The following CTNNA1 variants were observed in gnomAD, a reference collection of about 807,000 sequenced individuals.
The protein encoded by CTNNA1 is catenin alpha-1.
CTNNA1 carries 37 observed loss-of-function variants against 98.4 expected under a neutral mutation model. The observed-to-expected ratio is 0.38, with a 90% CI of 0.29 to 0.49. The LOEUF (loss-of-function observed/expected upper bound fraction) is 0.49, where lower values mean the gene tolerates loss of function less well. Ranked by LOEUF, CTNNA1 falls within the 20% of genes least tolerant of loss-of-function variation. CTNNA1 has a pLI of 0.95. For missense variants in CTNNA1, 761 were observed against 1,147.2 expected, an observed-to-expected ratio of 0.66 and a Z score of 4.86; for synonymous variants, 404 against 413.2, an observed-to-expected ratio of 0.98 and a Z score of 0.27.
At chr5:138,933,340 T>C (rs1765818354) in intron 17 of CTNNA1, among the ~76,000 whole-genome samples, 1 of 151,996 alleles carries the variant, frequency 6.6e-6, no homozygotes, top group African/African-American at 2.4e-5. Context: ...TGGATTGGGG[T>C]CCACCGAGCC....
chr5:138,920,564 T>C (rs572684306), intron 11 of CTNNA1, among the ~76,000 whole-genome samples: 7 of 152,246 alleles, frequency 4.6e-5, no homozygotes, highest in Non-Finnish European at 8.8e-5. Context: ...TCATAGCTTT[T>C]ACTAAATGAA....
chr5:138,887,683 G>A (rs1473100890), intron 9 of CTNNA1, 41 bp downstream of exon 9: 1 of 1,550,936 alleles, frequency 6.4e-7, no homozygotes, highest in African/African-American at 1.4e-5. Context: ...AGGCAACTTG[G>A]TGAAGTGTGG....
At chr5:138,829,090 C>T (rs1761009499) in intron 7 of CTNNA1, among the ~76,000 whole-genome samples, 1 of 152,090 alleles carries the variant, frequency 6.6e-6, no homozygotes, top group Admixed American at 6.6e-5. Context: ...CCACTGTGCT[C>T]CAGCCTGGGC....
chr5:138,887,553 G>A lies in CTNNA1; in HGVS notation c.1207G>A (p.Val403Ile), dbSNP rs760179421. 2.3e-5 allele frequency: 37 copies of A among 1,611,804 alleles called. No homozygotes were observed. Among genetic ancestry groups the A allele is most frequent in the Non-Finnish European group, 3.0e-5 (35 of 1,178,760 alleles). ...CCTGGAAACCAATGTTCCACTTTTG[G>A]TATTGATTGAAGCTGCAAAGAATGG... ...SFLETNVPLL[V>I]LIEAAKNGNE... The change falls in exon 9 of 18, where the codon GTA (valine) becomes ATA (isoleucine). Residue 403 changes from valine (V) to isoleucine (I), a missense_variant. Physicochemically the swap from Val to Ile is conservative, Grantham distance 29 (BLOSUM62 3). Transcript: ENST00000302763.
At chr5:138,781,022 A>G (rs1166481253) in intron 1 of CTNNA1, among the ~76,000 whole-genome samples, 2 of 152,298 alleles carry the variant, frequency 1.3e-5, no homozygotes, top group East Asian at 1.9e-4. Context: ...ACACTGATAC[A>G]GTGATATTTG....
At chr5:138,855,849 C>T (rs1455636568) in intron 7 of CTNNA1, among the ~76,000 whole-genome samples, 1 of 152,082 alleles carries the variant, frequency 6.6e-6, no homozygotes, top group East Asian at 1.9e-4. Flanking sequence ...GAGTTGTTAG[C>T]TAGTCTTGAT....
At chr5:138,918,590 A>G (rs1473428402) in intron 11 of CTNNA1, among the ~76,000 whole-genome samples, 2 of 152,264 alleles carry the variant, frequency 1.3e-5, no homozygotes, top group Non-Finnish European at 2.9e-5. Flanking sequence ...ATATAAACAT[A>G]AACTGGTAAT....
intron 3 of CTNNA1, among the ~76,000 whole-genome samples, chr5:138,784,897 A>G (rs142986113): frequency 2.6e-5 from 4 of 152,174 alleles, no homozygotes; most frequent in African/African-American, 9.6e-5. Context: ...AAGGACATCA[A>G]CCATTGAATT....
At chr5:138,844,966 G>T (rs913108486) in intron 7 of CTNNA1, among the ~76,000 whole-genome samples, 4 of 152,160 alleles carry the variant, frequency 2.6e-5, no homozygotes, top group African/African-American at 9.7e-5. Context: ...TTCCCCATTA[G>T]TAGGTGGCTC....
At chr5:138,872,892 C>T in intron 7 of CTNNA1, 1 of 643,096 alleles carries the variant, frequency 1.6e-6, no homozygotes. Context: ...AACTAAGTCT[C>T]CACTTAGTTT....
chr5:138,842,303 CA>C (rs1311289963), intron 7 of CTNNA1, among the ~76,000 whole-genome samples: 11 of 152,200 alleles, frequency 7.2e-5, no homozygotes, highest in Non-Finnish European at 1.6e-4. Context: ...TCATTTTTCA[CA>C]CAAAGACCAG....
At chr5:138,834,099 A>G (rs1249755048) in intron 7 of CTNNA1, among the ~76,000 whole-genome samples, 1 of 152,176 alleles carries the variant, frequency 6.6e-6, no homozygotes, top group Admixed American at 6.5e-5. Context: ...GAAGTGAAGC[A>G]CTCAATTTAG....
At chr5:138,767,451 C>T (rs1468502295) in intron 1 of CTNNA1, among the ~76,000 whole-genome samples, 1 of 152,200 alleles carries the variant, frequency 6.6e-6, no homozygotes. Flanking sequence ...TTGTCCTTCA[C>T]AACCTGAAAC....
rs1283219478 is a variant in CTNNA1 at position 138,894,094 on chromosome 5, T to G, written c.1296+6452T>G. 2.0e-5 allele frequency among the ~76,000 whole-genome samples: 3 copies of G among 150,458 alleles called. No individual in the cohort carries two copies. In the East Asian group the frequency reaches 5.9e-4, roughly 30 times the overall value. ...CACCCTGCCTGGCTAATTTTTGTAG[T>G]TTTTAGTAGAGATGGGGTTTTGCCA... On this transcript the variant is annotated intron_variant, in intron 9 of 17. Transcript: ENST00000302763.
At chr5:138,806,884 TTTAG>T (rs751612013) in intron 3 of CTNNA1, among the ~76,000 whole-genome samples, 28 of 152,128 alleles carry the variant, frequency 1.8e-4, no homozygotes, top group Non-Finnish European at 3.5e-4. Context: ...GTGGCAGGGA[TTTAG>T]TTAGTTAATC....
intron 5 of CTNNA1, among the ~76,000 whole-genome samples, chr5:138,817,360 T>A (rs1254299621): frequency 1.3e-5 from 2 of 152,238 alleles, no homozygotes; most frequent in Non-Finnish European, 2.9e-5. Flanking sequence ...TTGACTATAA[T>A]GTGCCTTGGG....
At chr5:138,832,506 A>G (rs1308683565) in intron 7 of CTNNA1, among the ~76,000 whole-genome samples, 1 of 152,216 alleles carries the variant, frequency 6.6e-6, no homozygotes, top group Non-Finnish European at 1.5e-5. Flanking sequence ...TGGATGTTAT[A>G]ATCTTAAAAG....
At chr5:138,834,885 C>A (rs549016993) in intron 7 of CTNNA1, among the ~76,000 whole-genome samples, 1 of 151,908 alleles carries the variant, frequency 6.6e-6, no homozygotes, top group Non-Finnish European at 1.5e-5. Context: ...AGAGAGTCAG[C>A]GAAGGGTGGC....
At chr5:138,778,540 A>G (rs1214395763) in intron 1 of CTNNA1, among the ~76,000 whole-genome samples, 1 of 152,068 alleles carries the variant, frequency 6.6e-6, no homozygotes, top group African/African-American at 2.4e-5. Context: ...TGAAGTTACT[A>G]TTTCCCCCAT....
Sources: allele counts gnomAD v4.1 joint callset (sites outside exome capture counted in the v4.1 genomes callset), GRCh38; gene constraint gnomAD v4.1.1; transcripts MANE v1.5; gene names NCBI Gene and HGNC (gene_info 2026-07-23, HGNC 2026-07-21).